The following MKLN1 variants were observed in gnomAD, a reference collection of about 807,000 sequenced individuals.
The protein encoded by MKLN1 is muskelin.
MKLN1 carries 18 observed loss-of-function variants against 99.0 expected under a neutral mutation model. That is an observed-to-expected ratio of 0.18 (90% CI 0.13 to 0.27). The LOEUF is 0.27. Ranked by LOEUF, MKLN1 falls within the 10% of genes least tolerant of loss-of-function variation. MKLN1 has a pLI of 1.00. For synonymous variants in MKLN1, 288 were observed against 293.2 expected (o/e 0.98, Z 0.18); for missense variants, 621 against 875.9 (o/e 0.71, Z 3.67).
intron 3 of MKLN1, among the ~76,000 whole-genome samples, chr7:131,220,584 T>A (rs1181478971): frequency 6.6e-6 from 1 of 152,078 alleles, no homozygotes; most frequent in Non-Finnish European, 1.5e-5. Context: ...TATTAAGGGT[T>A]TTGGAGTGGG....
At chr7:131,110,968 G>A (rs1016968977) in intron 1 of MKLN1, among the ~76,000 whole-genome samples, 1 of 152,170 alleles carries the variant, frequency 6.6e-6, no homozygotes, top group Non-Finnish European at 1.5e-5. Context: ...TGCCACAGGG[G>A]ATTCAGAAAC....
At chr7:131,240,929 C>G (rs1388696370) in intron 3 of MKLN1, among the ~76,000 whole-genome samples, 1 of 152,212 alleles carries the variant, frequency 6.6e-6, no homozygotes, top group African/African-American at 2.4e-5. Flanking sequence ...GACAAACTGG[C>G]TAAGAGTGAT....
chr7:131,466,904 T>TACGCAC (rs1554371916), intron 15 of MKLN1, among the ~76,000 whole-genome samples: 32 of 150,788 alleles, frequency 2.1e-4, no homozygotes, highest in African/African-American at 7.6e-4. Context: ...TATATACATA[T>TACGCAC]ACACACACAC....
At position 131,175,772 on chromosome 7, in the gene MKLN1, C is replaced by T. The variant is rs372449518; in HGVS notation, c.-296-27085C>T. Among the ~76,000 whole-genome samples the T allele has an allele frequency of 4.3e-4, 66 of 152,154 alleles. 2 individuals are homozygous for T. Among genetic ancestry groups the T allele is most frequent in the South Asian group, 8.3e-4 (4 of 4,824 alleles). ...AAATTTAGCTGGGTGTGGTGGCACA[C>T]GCCTGTAGTCCCAGCTACTTGGGAG... On this transcript the variant is annotated intron_variant, in intron 2 of 7. Coordinates refer to the MKLN1 transcript ENST00000416992.
At chr7:131,408,268 G>T (rs1006473172) in intron 6 of MKLN1, among the ~76,000 whole-genome samples, 11 of 151,844 alleles carry the variant, frequency 7.2e-5, no homozygotes, top group Non-Finnish European at 1.3e-4. Flanking sequence ...TATTCTTACT[G>T]GTATAATATT....
At chr7:131,297,617 G>T (rs79560786) in intron 3 of MKLN1, among the ~76,000 whole-genome samples, 12,012 of 152,114 alleles carry the variant, frequency 0.079, 539 homozygotes, top group East Asian at 0.14. Context: ...TTTTATTATG[G>T]TCATGTATTA....
chr7:131,320,032 C>A (rs1275666480), intron 3 of MKLN1, among the ~76,000 whole-genome samples: 2 of 152,138 alleles, frequency 1.3e-5, no homozygotes, highest in East Asian at 3.8e-4. Context: ...CAATGCTACT[C>A]CCATTAAGCT....
At position 131,494,028 on chromosome 7, in the gene MKLN1, C is replaced by T. The variant is rs1288987652; in HGVS notation, c.*6300C>T. On this transcript the variant is annotated 3_prime_UTR_variant, in exon 18 of 18. Coordinates refer to ENST00000352689, the MANE Select transcript of MKLN1 (RefSeq NM_013255.5). ...CAAGAAAGCCTTTGTTACAGTTTAG[C>T]TCATGTCATTTGGTTGGTTTTATTT... The T allele has an allele frequency of 6.6e-6, 1 of 152,162 alleles. No homozygotes were observed. The highest frequency in any genetic ancestry group is 1.5e-5 in the Non-Finnish European group (1 of 68,020). The allele number at this position is 152,162 out of a possible 1,614,324, so 9.4% of individuals were successfully genotyped here. A position where few individuals can be genotyped will look rare whatever the true frequency, so the allele number is the denominator to read the frequency against.
At chr7:131,196,079 A>T (rs1055123338) in intron 2 of MKLN1, among the ~76,000 whole-genome samples, 1 of 152,092 alleles carries the variant, frequency 6.6e-6, no homozygotes, top group Non-Finnish European at 1.5e-5. Context: ...TTTAAATGTA[A>T]TTTTTTTATT....
chr7:131,148,079 C>T (rs1332438489), intron 2 of MKLN1, among the ~76,000 whole-genome samples: 1 of 152,076 alleles, frequency 6.6e-6, no homozygotes, highest in Non-Finnish European at 1.5e-5. Flanking sequence ...GACAGAGTTT[C>T]GCTCTGTTGC....
intron 2 of MKLN1, among the ~76,000 whole-genome samples, chr7:131,376,957 GT>G (rs963581523): frequency 1.3e-5 from 2 of 151,988 alleles, no homozygotes; most frequent in Non-Finnish European, 2.9e-5. Context: ...GTGACTAGCT[GT>G]TTTTTAACAT....
chr7:131,480,197 G>T (rs1797084781), intron 17 of MKLN1, among the ~76,000 whole-genome samples: 1 of 152,278 alleles, frequency 6.6e-6, no homozygotes, highest in South Asian at 2.1e-4. Flanking sequence ...CCTCTGGTCA[G>T]TGAATGCATA....
At chr7:131,263,341 AATT>A (rs35339066) in intron 3 of MKLN1, among the ~76,000 whole-genome samples, 23,478 of 144,312 alleles carry the variant, frequency 0.16, 2,248 homozygotes, top group South Asian at 0.41. Flanking sequence ...TCATCTCTAC[AATT>A]ATTAATAATA....
chr7:131,224,286 C>T (rs1200548973), intron 3 of MKLN1, among the ~76,000 whole-genome samples: 1 of 152,192 alleles, frequency 6.6e-6, no homozygotes, highest in African/African-American at 2.4e-5. Context: ...TAGCTCACAC[C>T]TGTAATCCCA....
intron 12 of MKLN1, among the ~76,000 whole-genome samples, chr7:131,451,235 C>T (rs956109995): frequency 2.0e-5 from 3 of 152,058 alleles, no homozygotes; most frequent in African/African-American, 7.2e-5. Context: ...ATTAATCATT[C>T]TGTTGTTTGT....
chr7:131,142,483 C>A (rs1795750687), intron 1 of MKLN1, among the ~76,000 whole-genome samples: 1 of 151,650 alleles, frequency 6.6e-6, no homozygotes, highest in Non-Finnish European at 1.5e-5. Flanking sequence ...TGCCTGTAAT[C>A]CCAGCACTTT....
At chr7:131,312,797 T>A (rs962329478) in intron 3 of MKLN1, among the ~76,000 whole-genome samples, 1 of 152,180 alleles carries the variant, frequency 6.6e-6, no homozygotes, top group African/African-American at 2.4e-5. Context: ...TAATTTTCAG[T>A]GAAAAACCTA....
rs117193228 is a variant in MKLN1 at position 131,305,366 on chromosome 7, T to C, written c.-178-70058T>C. ...TTTAGTAATATTATTATTTGACAATTTGAACAGTACTATAGAGTTTACTTA... is the reference window on the plus strand; with the variant it reads ...TTTAGTAATATTATTATTTGACAATCTGAACAGTACTATAGAGTTTACTTA... On this transcript the variant is annotated intron_variant, in intron 3 of 7. Coordinates refer to the MKLN1 transcript ENST00000416992. Among the ~76,000 whole-genome samples the C allele has an allele frequency of 2.1e-3, 322 of 152,362 alleles. 1 individual carries two copies. The highest frequency in any genetic ancestry group is 3.4e-3 in the Middle Eastern group (1 of 294).
chr7:131,480,235 T>A (rs1337266606), intron 17 of MKLN1, among the ~76,000 whole-genome samples: 4 of 152,182 alleles, frequency 2.6e-5, no homozygotes, highest in Admixed American at 1.3e-4. Context: ...GGTGCAGTTA[T>A]TATTTGCCTT....
Sources: allele counts gnomAD v4.1 joint callset (sites outside exome capture counted in the v4.1 genomes callset), GRCh38; gene constraint gnomAD v4.1.1; transcripts MANE v1.5; gene names NCBI Gene and HGNC (gene_info 2026-07-23, HGNC 2026-07-21).